Variants in APBB1IP observed in about 807,000 individuals in gnomAD.
APBB1IP encodes amyloid beta A4 precursor protein-binding family B member 1-interacting protein.
A neutral mutation model predicts 64.9 loss-of-function variants in APBB1IP; 27 were observed. The ratio of observed to expected loss-of-function variants is 0.42; its 90% CI spans 0.31 to 0.57. The LOEUF is 0.57. APBB1IP is among the 20% of genes least tolerant of loss of function. APBB1IP has a pLI of 0.20. For missense variants in APBB1IP, 812 were observed against 845.5 expected (o/e 0.96, Z 0.49); for synonymous variants, 392 against 331.0 (o/e 1.18, Z -2.00).
At chr10:26,541,974 C>T (rs1197593637) in intron 11 of APBB1IP, among the ~76,000 whole-genome samples, 1 of 151,922 alleles carries the variant, frequency 6.6e-6, no homozygotes, top group Non-Finnish European at 1.5e-5. Flanking sequence ...ATCGATAAGA[C>T]TAAAAAAAGT....
intron 8 of APBB1IP, 93 bp downstream of exon 8, chr10:26,513,753 A>T: frequency 6.9e-7 from 1 of 1,445,044 alleles, no homozygotes. Context: ...ACAGGGTCTG[A>T]AAGGCTGGAG....
rs1227229736 is a variant in APBB1IP at position 26,560,724 on chromosome 10, C to A, written c.1255-6C>A. ...CTTTCCTTCTTCCTTTGTGTTCTCT[C>A]CCCAGTATGGGAAGACTCTCTATGA... On this transcript the variant is annotated splice_polypyrimidine_tract_variant and splice_region_variant and intron_variant, in intron 12 of 14. Coordinates refer to ENST00000376236, the MANE Select transcript of APBB1IP (RefSeq NM_019043.4). 1 of 1,572,226 alleles carries A rather than the reference C, an allele frequency of 6.4e-7. No homozygotes were observed. The highest frequency in any genetic ancestry group is 8.6e-7 in the Non-Finnish European group (1 of 1,157,250).
Position 26,560,837 on chromosome 10 carries a change from A to G in APBB1IP, c.1362A>G (p.Pro454=). Residue 454 remains proline, a synonymous_variant, in exon 13 of 15, where the codon CCA becomes CCG. Coordinates refer to ENST00000376236, the MANE Select transcript of APBB1IP (RefSeq NM_019043.4). ...GTVNAAAPAQ[P]STGPKTGTTQ... is the part of the protein sequence containing the mutation. ...TCAATGCAGCTGCACCAGCTCAGCC[A>G]TCTACAGGTACTAAGTGGAGGAGAA... The G allele has an allele frequency of 6.3e-7, 1 of 1,593,108 alleles. No homozygotes were observed. Among genetic ancestry groups the G allele is most frequent in the Non-Finnish European group, 8.5e-7 (1 of 1,170,930 alleles).
At chr10:26,453,944 G>A (rs1461486655) in intron 2 of APBB1IP, among the ~76,000 whole-genome samples, 1 of 152,192 alleles carries the variant, frequency 6.6e-6, no homozygotes, top group Non-Finnish European at 1.5e-5. Flanking sequence ...CTGTTCACAA[G>A]ATTTGGAAAC....
chr10:26,481,052 T>C (rs1348085993), intron 2 of APBB1IP, among the ~76,000 whole-genome samples: 1 of 152,062 alleles, frequency 6.6e-6, no homozygotes, highest in Non-Finnish European at 1.5e-5. Flanking sequence ...CCATTCCTTA[T>C]ATAGACACCC....
At chr10:26,544,768 A>C (rs1315617789) in intron 11 of APBB1IP, among the ~76,000 whole-genome samples, 2 of 152,218 alleles carry the variant, frequency 1.3e-5, no homozygotes, top group Non-Finnish European at 2.9e-5. Flanking sequence ...AATTGGCAGG[A>C]CTTGAACGGT....
At chr10:26,466,288 C>A in intron 2 of APBB1IP, among the ~76,000 whole-genome samples, 1 of 152,082 alleles carries the variant, frequency 6.6e-6, no homozygotes, top group East Asian at 1.9e-4. Flanking sequence ...GATGGGGGGA[C>A]TTCCAGAGTC....
At chr10:26,461,524 G>A (rs533908356) in intron 2 of APBB1IP, among the ~76,000 whole-genome samples, 1 of 151,754 alleles carries the variant, frequency 6.6e-6, no homozygotes, top group South Asian at 2.1e-4. Flanking sequence ...TTATTACTTA[G>A]GAATAATCTT....
chr10:26,458,427 A>AAGGG (rs1373527675), intron 2 of APBB1IP, among the ~76,000 whole-genome samples: 2 of 151,054 alleles, frequency 1.3e-5, no homozygotes, highest in Non-Finnish European at 3.0e-5. Flanking sequence ...GGAAGGAAGG[A>AAGGG]AGGGAGGGAG....
At chr10:26,457,130 T>C (rs1226470342) in intron 2 of APBB1IP, among the ~76,000 whole-genome samples, 1 of 152,198 alleles carries the variant, frequency 6.6e-6, no homozygotes, top group Non-Finnish European at 1.5e-5. Context: ...TGGCTCCTTT[T>C]AGACACTCAC....
chr10:26,491,399 T>C (rs1219856552), intron 2 of APBB1IP, among the ~76,000 whole-genome samples: 1 of 152,176 alleles, frequency 6.6e-6, no homozygotes, highest in Non-Finnish European at 1.5e-5. Flanking sequence ...TACATAATGC[T>C]AGTTAAGTGG....
In APBB1IP at chr10:26,541,662, A is replaced by T. The variant is rs1564373716; in HGVS notation, c.1125A>T (p.Lys375Asn). 1 of 1,611,312 alleles carries T rather than the reference A, an allele frequency of 6.2e-7. No homozygotes were observed. The highest frequency in any genetic ancestry group is 1.1e-5 in the South Asian group (1 of 90,302). ...YYGTQHKMKY[K>N]APTDYCFVLK... is the part of the protein sequence containing the mutation. ...GGACTCAGCATAAAATGAAATATAA[A>T]GCGCCCACTGACTATTGCTTTGTTT... is the stretch of plus-strand genomic sequence containing the variant. The change falls in exon 11 of 15, where the codon AAA (lysine) becomes AAT (asparagine). Residue 375 changes from lysine to asparagine, a missense_variant. Lys to Asn is a moderately conservative substitution (Grantham distance 94). Coordinates refer to ENST00000376236, the MANE Select transcript of APBB1IP (RefSeq NM_019043.4).
intron 11 of APBB1IP, among the ~76,000 whole-genome samples, chr10:26,548,426 G>A (rs1359530957): frequency 6.8e-6 from 1 of 146,996 alleles, no homozygotes; most frequent in African/African-American, 2.5e-5. Context: ...CTTTGAATCT[G>A]TAAATTACTT....
At chr10:26,565,348 G>C (rs997399795) in intron 14 of APBB1IP, among the ~76,000 whole-genome samples, 1 of 152,150 alleles carries the variant, frequency 6.6e-6, no homozygotes, top group East Asian at 1.9e-4. Flanking sequence ...CCTATATGAC[G>C]AGGACTCTGG....
intron 2 of APBB1IP, among the ~76,000 whole-genome samples, chr10:26,486,051 A>C (rs1468347915): frequency 6.6e-6 from 1 of 152,088 alleles, no homozygotes; most frequent in Non-Finnish European, 1.5e-5. Flanking sequence ...GCAACATAGC[A>C]AGACCCTGTC....
chr10:26,465,682 G>A (rs760945450), intron 2 of APBB1IP, among the ~76,000 whole-genome samples: 3 of 152,050 alleles, frequency 2.0e-5, no homozygotes, highest in Non-Finnish European at 4.4e-5. Context: ...GACATTTTGG[G>A]CATGTTTAAG....
intron 8 of APBB1IP, among the ~76,000 whole-genome samples, chr10:26,530,020 G>A (rs970829317): frequency 1.3e-5 from 2 of 152,106 alleles, no homozygotes; most frequent in Admixed American, 6.6e-5. Flanking sequence ...CTAAGCCAAG[G>A]TTTGCTTTCT....
At chr10:26,470,133 G>A (rs531893896) in intron 2 of APBB1IP, among the ~76,000 whole-genome samples, 3 of 152,264 alleles carry the variant, frequency 2.0e-5, no homozygotes, top group African/African-American at 7.2e-5. Context: ...TGGTGCAAAA[G>A]CAACACACAT....
At chr10:26,503,093 C>T (rs1435706003) in intron 5 of APBB1IP, 104 bp from the exon 6 acceptor site, 3 of 1,048,466 alleles carry the variant, frequency 2.9e-6, no homozygotes, top group South Asian at 1.8e-5. Context: ...AAATTTGGTA[C>T]CTTTTGTTAA....
Sources: allele counts gnomAD v4.1 joint callset (sites outside exome capture counted in the v4.1 genomes callset), GRCh38; gene constraint gnomAD v4.1.1; transcripts MANE v1.5; gene names NCBI Gene and HGNC (gene_info 2026-07-23, HGNC 2026-07-21).